Variants in DPP10 observed in about 807,000 individuals in gnomAD.
DPP10 encodes inactive dipeptidyl peptidase 10.
In DPP10, 33 loss-of-function variants were observed where a neutral mutation model predicts 120.9. That is an observed-to-expected ratio of 0.27 (90% CI 0.21 to 0.37). DPP10 has a LOEUF of 0.37. DPP10 is among the 10% of genes least tolerant of loss of function. DPP10 has a pLI of 1.00. For synonymous variants in DPP10, 337 were observed against 326.1 expected (o/e 1.03, Z -0.36); for missense variants, 816 against 942.8 (o/e 0.87, Z 1.76).
At position 115,653,407 on chromosome 2, in the gene DPP10, C is replaced by G. The variant is rs372092831; in HGVS notation, c.442-36280C>G. Among the ~76,000 whole-genome samples the G allele has an allele frequency of 5.3e-5, 8 of 152,020 alleles. No homozygotes were observed. The East Asian group carries it at 9.7e-4, about 18-fold the overall frequency. On this transcript the variant is annotated intron_variant, in intron 5 of 25. Transcript: ENST00000410059. ...AATTTCAATCCATTCTCAGTAGCAC[C>G]AGTAGTTCACTTTTAAAACAACAAA... is the stretch of plus-strand genomic sequence containing the variant.
chr2:115,082,796 C>G (rs1053759988), intron 1 of DPP10, among the ~76,000 whole-genome samples: 1 of 152,192 alleles, frequency 6.6e-6, no homozygotes, highest in African/African-American at 2.4e-5. Context: ...CAGACTAGAA[C>G]CACTCAGTGA....
At chr2:114,481,360 C>T (rs1163291785) in intron 1 of DPP10, among the ~76,000 whole-genome samples, 4 of 151,976 alleles carry the variant, frequency 2.6e-5, no homozygotes, top group Non-Finnish European at 5.9e-5. Flanking sequence ...ATTAAAACCA[C>T]AATAAAATAT....
chr2:114,570,064 T>G (rs1273877661), intron 1 of DPP10, among the ~76,000 whole-genome samples: 1 of 152,114 alleles, frequency 6.6e-6, no homozygotes, highest in Non-Finnish European at 1.5e-5. Flanking sequence ...GCCATGAAAG[T>G]CTAATGGGGG....
At chr2:115,709,388 G>T (rs991328347) in intron 7 of DPP10, among the ~76,000 whole-genome samples, 1 of 152,030 alleles carries the variant, frequency 6.6e-6, no homozygotes, top group Non-Finnish European at 1.5e-5. Flanking sequence ...AACTATAAAT[G>T]ACAGAATTTT....
chr2:115,345,952 T>C (rs1377486771), intron 3 of DPP10, among the ~76,000 whole-genome samples: 1 of 152,180 alleles, frequency 6.6e-6, no homozygotes, highest in East Asian at 1.9e-4. Flanking sequence ...TACCTAAATA[T>C]ATAATTTTTA....
At chr2:114,802,786 A>G (rs181542900) in intron 1 of DPP10, among the ~76,000 whole-genome samples, 1 of 152,302 alleles carries the variant, frequency 6.6e-6, no homozygotes, top group African/African-American at 2.4e-5. Flanking sequence ...CCTGATTCAT[A>G]AGATCTTCTT....
At chr2:114,527,136 A>C (rs1486651407) in intron 1 of DPP10, among the ~76,000 whole-genome samples, 1 of 152,156 alleles carries the variant, frequency 6.6e-6, no homozygotes, top group Non-Finnish European at 1.5e-5. Context: ...ACATAGAATG[A>C]GATATAATTA....
intron 3 of DPP10, among the ~76,000 whole-genome samples, chr2:115,403,381 C>CTTTTT (rs78116780): frequency 3.4e-5 from 4 of 118,462 alleles, no homozygotes; most frequent in African/African-American, 7.1e-5. Context: ...TTCTTTCCTT[C>CTTTTT]TTTTTTTTTT....
chr2:115,824,462 C>T (rs1688115779), intron 21 of DPP10, among the ~76,000 whole-genome samples: 1 of 152,042 alleles, frequency 6.6e-6, no homozygotes, highest in South Asian at 2.1e-4. Flanking sequence ...CTAATGATCT[C>T]CTTTCCCTTG....
At chr2:114,980,308 T>G (rs1322080682) in intron 1 of DPP10, among the ~76,000 whole-genome samples, 1 of 152,070 alleles carries the variant, frequency 6.6e-6, no homozygotes, top group Non-Finnish European at 1.5e-5. Flanking sequence ...GATAAGGAAG[T>G]TAAGTGGAAA....
intron 1 of DPP10, among the ~76,000 whole-genome samples, chr2:114,663,304 A>G (rs1289231452): frequency 6.7e-6 from 1 of 150,076 alleles, no homozygotes; most frequent in Admixed American, 6.7e-5. Context: ...ATACATATAT[A>G]CATACACATA....
intron 5 of DPP10, among the ~76,000 whole-genome samples, chr2:115,662,823 G>A (rs1023916901): frequency 3.9e-5 from 6 of 152,032 alleles, no homozygotes; most frequent in South Asian, 2.1e-4. Context: ...AAGGACACCC[G>A]AAGATATATG....
chr2:114,653,027 A>AGT (rs10528455), intron 1 of DPP10, among the ~76,000 whole-genome samples: 20,239 of 135,706 alleles, frequency 0.15, 1,718 homozygotes, highest in Middle Eastern at 0.22. Context: ...AGAGAGAGAG[A>AGT]GTGTGTGTGT....
chr2:115,491,175 C>T (rs932431575), intron 3 of DPP10, among the ~76,000 whole-genome samples: 2 of 151,996 alleles, frequency 1.3e-5, no homozygotes, highest in African/African-American at 4.8e-5. Flanking sequence ...CCAAACCAAA[C>T]GAAAGAACTA....
In DPP10 at chr2:114,683,715, C is replaced by T. The variant is rs118084189; in HGVS notation, c.60+240877C>T. ...TCGTATCTGATTGACTAACTCCCTTCTACTACTTGAGGACAGTGCAGCTCA... is the reference window on the plus strand; with the variant it reads ...TCGTATCTGATTGACTAACTCCCTTTTACTACTTGAGGACAGTGCAGCTCA... On this transcript the variant is annotated intron_variant, in intron 1 of 25. Transcript: ENST00000410059. 2.5e-3 allele frequency among the ~76,000 whole-genome samples: 383 copies of T among 151,980 alleles called. 15 individuals are homozygous for T. The East Asian group carries it at 0.061, about 24-fold the overall frequency.
intron 1 of DPP10, chr2:115,131,136 G>A (rs2050335322): frequency 6.6e-6 from 1 of 152,216 alleles, no homozygotes; most frequent in African/African-American, 2.4e-5. Flanking sequence ...ATAGAAAGGT[G>A]AGTAATTCAG....
chr2:115,344,010 C>A, intron 3 of DPP10, 98 bp downstream of exon 3: 3 of 936,138 alleles, frequency 3.2e-6, no homozygotes, highest in Non-Finnish European at 3.0e-6. Context: ...ATGGCTTATG[C>A]CTGTCATCCC....
chr2:115,488,880 T>A (rs866054417), intron 3 of DPP10, among the ~76,000 whole-genome samples: 636 of 126,488 alleles, frequency 5.0e-3, no homozygotes, highest in African/African-American at 8.1e-3. Flanking sequence ...TAGAGTATAA[T>A]AAAAAAAAAA....
chr2:114,514,065 G>C (rs1684393355), intron 1 of DPP10, among the ~76,000 whole-genome samples: 1 of 152,134 alleles, frequency 6.6e-6, no homozygotes, highest in Non-Finnish European at 1.5e-5. Context: ...CTTTCTCCAA[G>C]GTTAAGTCTG....
Sources: allele counts gnomAD v4.1 joint callset (sites outside exome capture counted in the v4.1 genomes callset), GRCh38; gene constraint gnomAD v4.1.1; transcripts MANE v1.5; gene names NCBI Gene and HGNC (gene_info 2026-07-23, HGNC 2026-07-21).